RLF: variants seen among roughly 807,000 people sequenced by gnomAD.
The protein encoded by RLF is RLF zinc finger, also known as zinc finger protein Rlf.
Under a neutral mutation model 162.9 loss-of-function variants are expected in RLF, and 7 were observed. The ratio of observed to expected loss-of-function variants is 0.04; its 90% CI spans 0.02 to 0.08. RLF has a LOEUF of 0.08. Among genes scored for constraint, RLF ranks in the 10% least tolerant of loss-of-function variants. The probability of loss-of-function intolerance (pLI) is 1.00; values close to 1 mark genes in which losing one functional copy is unlikely to be tolerated. For synonymous variants in RLF, 782 were observed against 791.5 expected, an observed-to-expected ratio of 0.99 and a Z score of 0.20; for missense variants, 1,664 against 2,244.7, an observed-to-expected ratio of 0.74 and a Z score of 5.23.
intron 6 of RLF, among the ~76,000 whole-genome samples, chr1:40,225,381 C>T (rs886188336): frequency 5.3e-5 from 8 of 151,810 alleles, no homozygotes; most frequent in African/African-American, 1.7e-4. Flanking sequence ...GAGTTCGAGA[C>T]TAGCCTGGCC....
intron 6 of RLF, 63 bp from the exon 7 acceptor site, chr1:40,231,454 C>G: frequency 1.3e-6 from 2 of 1,508,014 alleles, no homozygotes; most frequent in East Asian, 4.5e-5. Flanking sequence ...ATTGGGTTGC[C>G]GGGGGCAGGG....
At chr1:40,219,622 A>G (rs1435816870) in intron 5 of RLF, among the ~76,000 whole-genome samples, 1 of 152,230 alleles carries the variant, frequency 6.6e-6, no homozygotes, top group Non-Finnish European at 1.5e-5. Flanking sequence ...CCGCCTTCAC[A>G]ATAGAAACCT....
intron 4 of RLF, among the ~76,000 whole-genome samples, chr1:40,201,660 TC>T (rs1252639791): frequency 5.4e-5 from 8 of 149,070 alleles, no homozygotes; most frequent in African/African-American, 1.5e-4. Context: ...TGAGGGCTCA[TC>T]CAGAGCACTG....
chr1:40,178,629 T>C (rs1289201795), intron 1 of RLF, among the ~76,000 whole-genome samples: 1 of 144,804 alleles, frequency 6.9e-6, no homozygotes. Flanking sequence ...GTTTTTTTTT[T>C]TTGTTTTTTT....
At chr1:40,179,565 C>G (rs116318581) in intron 1 of RLF, among the ~76,000 whole-genome samples, 5,433 of 142,090 alleles carry the variant, frequency 0.038, 147 homozygotes, top group Non-Finnish European at 0.057. Flanking sequence ...TTTTTTGGTA[C>G]TTTTATTGTG....
At chr1:40,195,500 CTT>C in intron 3 of RLF, 130 bp from the exon 4 acceptor site, 1 of 671,732 alleles carries the variant, frequency 1.5e-6, no homozygotes, top group South Asian at 2.4e-5. Context: ...TGAGTATAGT[CTT>C]TTTTGGTTAC....
At chr1:40,217,921 G>C (rs1369093870) in intron 5 of RLF, among the ~76,000 whole-genome samples, 1 of 152,168 alleles carries the variant, frequency 6.6e-6, no homozygotes, top group Non-Finnish European at 1.5e-5. Context: ...CCCATGCTGT[G>C]TAACGTGTAT....
chr1:40,184,868 A>G lies in RLF; in HGVS notation c.238-4187A>G, dbSNP rs188418113. ...AGGTCATTAATTTGGTCACTGTAGA[A>G]TGAACTTTAGGAGGTCATCTTTATC... On this transcript the variant is annotated intron_variant, in intron 1 of 7. Coordinates refer to ENST00000372771, the MANE Select transcript of RLF (RefSeq NM_012421.4). 4.1e-4 allele frequency among the ~76,000 whole-genome samples: 63 copies of G among 152,268 alleles called. 1 individual carries two copies. Among genetic ancestry groups the G allele is most frequent in the South Asian group, 1.2e-3 (6 of 4,826 alleles).
At chr1:40,203,106 A>AG (rs1642740467) in intron 5 of RLF, among the ~76,000 whole-genome samples, 1 of 132,910 alleles carries the variant, frequency 7.5e-6, no homozygotes, top group Non-Finnish European at 1.6e-5. Flanking sequence ...ATAAGGGTTG[A>AG]GTCTTTTTTT....
intron 5 of RLF, among the ~76,000 whole-genome samples, chr1:40,214,795 C>T (rs926875397): frequency 1.3e-5 from 2 of 151,192 alleles, no homozygotes; most frequent in Non-Finnish European, 3.0e-5. Context: ...TGGTAGTGTG[C>T]ACCTGTAGTC....
At chr1:40,165,702 T>G (rs1642155278) in intron 1 of RLF, among the ~76,000 whole-genome samples, 1 of 152,234 alleles carries the variant, frequency 6.6e-6, no homozygotes, top group Non-Finnish European at 1.5e-5. Flanking sequence ...GACTGACATC[T>G]GCAGTTCATC....
At chr1:40,198,467 G>A (rs1439428301) in intron 4 of RLF, among the ~76,000 whole-genome samples, 1 of 151,758 alleles carries the variant, frequency 6.6e-6, no homozygotes, top group Non-Finnish European at 1.5e-5. Flanking sequence ...ACCACACCCG[G>A]CTAATTTTTT....
chr1:40,204,295 G>T (rs1389651241), intron 5 of RLF, among the ~76,000 whole-genome samples: 1 of 152,000 alleles, frequency 6.6e-6, no homozygotes, highest in Non-Finnish European at 1.5e-5. Flanking sequence ...GATTACAGGC[G>T]TGAGCCACTG....
At position 40,221,871 on chromosome 1, in the gene RLF, G is replaced by A. The variant is rs1300103542; in HGVS notation, c.811-703G>A. ...GCTGAGATCGCGCCACTGCACTCCG[G>A]CCTGGGCGACACAGCGAGACTCCGT... On this transcript the variant is annotated intron_variant, in intron 5 of 7. Transcript: ENST00000372771. Among the ~76,000 whole-genome samples the A allele has an allele frequency of 6.0e-5, 8 of 132,674 alleles. No individual in the cohort carries two copies. In the East Asian group the frequency reaches 1.7e-3, roughly 28 times the overall value. 87.0% of individuals were successfully genotyped at this position (132,674 alleles called of 152,430 possible).
In RLF at chr1:40,237,394, G is replaced by T; in HGVS notation, c.2692G>T (p.Asp898Tyr). The change falls in exon 8 of 8, where the codon GAT becomes TAT. Residue 898 changes from aspartate (D) to tyrosine (Y), a missense_variant. Asp to Tyr is a radical substitution (Grantham distance 160, BLOSUM62 -3). Transcript: ENST00000372771. This position sits in a 1 kb window ranked among gnomAD's most constrained non-coding sequence, Gnocchi z 4.4. ...AGAAAACAGTGACAGTAATTCTAGT[G>T]ATCAGTTAAGTCATAGCTCTTCAGC... is the stretch of plus-strand genomic sequence containing the variant. ...LKENSDSNSS[D>Y]QLSHSSSASM... 6.2e-7 allele frequency: 1 copy of T among 1,613,866 alleles called. No individual in the cohort carries two copies. Among genetic ancestry groups the T allele is most frequent in the Non-Finnish European group, 8.5e-7 (1 of 1,179,952 alleles).
Position 40,237,864 on chromosome 1 carries a change from C to T in RLF, c.3162C>T (p.Pro1054=). ...SESSICASKR[P]CTEDTMLELL... ...CCTCCATTTGTGCTTCTAAAAGGCC[C>T]TGTACAGAGGATACCATGTTGGAAC... Residue 1054 remains proline, a synonymous_variant, in exon 8 of 8, where the codon CCC becomes CCT. Coordinates refer to ENST00000372771, the MANE Select transcript of RLF (RefSeq NM_012421.4). The surrounding 1 kb of genome is among the most constrained non-coding windows in gnomAD (Gnocchi z 4.4). 1 of 1,614,126 alleles carries T rather than the reference C, an allele frequency of 6.2e-7. No individual in the cohort carries two copies. The highest frequency in any genetic ancestry group is 8.5e-7 in the Non-Finnish European group (1 of 1,180,022).
chr1:40,205,663 T>G (rs1642782009), intron 5 of RLF, among the ~76,000 whole-genome samples: 1 of 151,982 alleles, frequency 6.6e-6, no homozygotes, highest in Non-Finnish European at 1.5e-5. Flanking sequence ...CTAATTTTTT[T>G]TGTATTTTTA....
chr1:40,231,740 T>A, intron 7 of RLF, 82 bp downstream of exon 7: 1 of 1,271,116 alleles, frequency 7.9e-7, no homozygotes, highest in Non-Finnish European at 1.1e-6. Context: ...AAATTCCCTT[T>A]AAAGGAAGAT....
Position 40,240,573 on chromosome 1 carries a change from G to C in RLF, c.*126G>C. On this transcript the variant is annotated 3_prime_UTR_variant, in exon 8 of 8. Coordinates refer to ENST00000372771, the MANE Select transcript of RLF (RefSeq NM_012421.4). ...GGTAGAATAGGCTGTGTATTTACAT[G>C]AATGTATAATATCTATGTCAGCAGT... 1 of 666,832 alleles carries C rather than the reference G, an allele frequency of 1.5e-6. No individual in the cohort carries two copies. Among genetic ancestry groups the C allele is most frequent in the Non-Finnish European group, 2.6e-6 (1 of 381,704 alleles). The allele number at this position is 666,832 out of a possible 1,614,324, so 41.3% of individuals were successfully genotyped here. A position where few individuals can be genotyped will look rare whatever the true frequency, so the allele number is the denominator to read the frequency against.
Sources: gnomAD v4.1 joint callset for allele counts (sites outside exome capture counted in the v4.1 genomes callset) on GRCh38, gnomAD v4.1.1 for gene constraint, Gnocchi (gnomAD v3.1) non-coding constraint, MANE v1.5 for transcripts, NCBI Gene and HGNC (gene_info 2026-07-23, HGNC 2026-07-21) for gene names.